Variants in TGFBRAP1 observed in about 807,000 individuals in gnomAD.
TGFBRAP1 encodes transforming growth factor beta receptor associated protein 1.
Under a neutral mutation model 83.2 loss-of-function variants are expected in TGFBRAP1, and 20 were observed. The ratio of observed to expected loss-of-function variants is 0.24; its 90% CI spans 0.17 to 0.35. TGFBRAP1 has a LOEUF of 0.35. Ranked by LOEUF, TGFBRAP1 falls within the 10% of genes least tolerant of loss-of-function variation. TGFBRAP1 has a pLI of 1.00. For missense variants in TGFBRAP1, 950 were observed against 1,099.4 expected (o/e 0.86, Z 1.92); for synonymous variants, 415 against 459.8 (o/e 0.90, Z 1.25).
chr2:105,287,093 A>T (rs1367390326), intron 4 of TGFBRAP1, among the ~76,000 whole-genome samples: 1 of 152,188 alleles, frequency 6.6e-6, no homozygotes, highest in Non-Finnish European at 1.5e-5. Flanking sequence ...GAAGTCAGCC[A>T]GTCACAAGAC....
chr2:105,280,358 T>C (rs1241341193), intron 6 of TGFBRAP1, 24 bp downstream of exon 6: 1 of 1,603,700 alleles, frequency 6.2e-7, no homozygotes, highest in Admixed American at 1.7e-5. Flanking sequence ...GAAGCCCTGA[T>C]CATATCAGGA....
chr2:105,303,440 T>C (rs1039161584), intron 2 of TGFBRAP1, among the ~76,000 whole-genome samples: 11 of 152,132 alleles, frequency 7.2e-5, no homozygotes, highest in Non-Finnish European at 1.5e-4. Flanking sequence ...CGAGGTGATC[T>C]AGGAATATCC....
In TGFBRAP1 at chr2:105,269,477, G is replaced by T. The variant is rs146403934; in HGVS notation, c.2201C>A (p.Ala734Asp). ...LHAGPTAHEL[A>D]VAAVDLLNRH... ...GTTCAGCAGGTCCACGGCAGCCACG[G>T]CCAGCTCGTGGGCAGTGGGGCCAGC... Residue 734 changes from alanine (A) to aspartate (D), a missense_variant, in exon 11 of 12, where the codon GCC (alanine) becomes GAC (aspartate). By Grantham distance (126) the Ala-to-Asp change is moderately radical. Coordinates refer to ENST00000393359, the MANE Select transcript of TGFBRAP1 (RefSeq NM_004257.6). This position sits in a 1 kb window ranked among gnomAD's most constrained non-coding sequence, Gnocchi z 4.1. 2.0e-4 allele frequency: 318 copies of T among 1,613,350 alleles called. No individual in the cohort carries two copies. The African/African-American group carries it at 3.8e-3, about 19-fold the overall frequency.
At position 105,308,167 on chromosome 2, in the gene TGFBRAP1, G is replaced by A. The variant is rs777577401; in HGVS notation, c.135C>T (p.Phe45=). The A allele has an allele frequency of 3.2e-5, 52 of 1,614,052 alleles. No homozygotes were observed. The highest frequency in any genetic ancestry group is 1.3e-4 in the South Asian group (12 of 91,088). ...RDLYVGTNDC[F]VYHFLLEERP... ...TCTCCTCCAACAGGAAGTGGTAGAC[G>A]AAGCAGTCGTTGGTGCCCACGTAGA... Residue 45 remains phenylalanine, a synonymous_variant, in exon 2 of 12, where the codon TTC becomes TTT. Coordinates refer to ENST00000393359, the MANE Select transcript of TGFBRAP1 (RefSeq NM_004257.6).
At chr2:105,263,329 G>A (rs1232770025), downstream of TGFBRAP1, among the ~76,000 whole-genome samples, 1 of 152,212 alleles carries the variant, frequency 6.6e-6, no homozygotes, top group Admixed American at 6.5e-5. Context: ...GCGATGGTTG[G>A]AATCTAAAAG....
At chr2:105,272,701 G>C (rs554268343) in intron 10 of TGFBRAP1, among the ~76,000 whole-genome samples, 154 bp downstream of exon 10, 2 of 152,146 alleles carry the variant, frequency 1.3e-5, no homozygotes, top group South Asian at 4.1e-4. Flanking sequence ...GCGACACCCT[G>C]TCTTCATTTA....
At chr2:105,311,777 C>T (rs925405358) in intron 1 of TGFBRAP1, among the ~76,000 whole-genome samples, 40 of 151,582 alleles carry the variant, frequency 2.6e-4, no homozygotes, top group African/African-American at 5.1e-4. Flanking sequence ...GGCATGGTGG[C>T]GGGCACCTGT....
intron 2 of TGFBRAP1, among the ~76,000 whole-genome samples, chr2:105,306,518 C>T (rs1678504356): frequency 6.6e-6 from 1 of 152,072 alleles, no homozygotes; most frequent in Admixed American, 6.6e-5. Flanking sequence ...TGCATGCTGG[C>T]CAGGCATGGT....
At chr2:105,252,202 G>A in the TGFBRAP1 span, among the ~76,000 whole-genome samples, 3 of 152,106 alleles carry the variant, frequency 2.0e-5, no homozygotes, top group Non-Finnish European at 4.4e-5. Flanking sequence ...TGGCATTTTT[G>A]CGGTGGTCTC....
At chr2:105,301,092 C>T (rs1218104400) in intron 2 of TGFBRAP1, among the ~76,000 whole-genome samples, 5 of 151,908 alleles carry the variant, frequency 3.3e-5, no homozygotes, top group Admixed American at 2.0e-4. Flanking sequence ...GCCTTGGTGG[C>T]GGGTACTATT....
chr2:105,303,298 C>G (rs1678368043), intron 2 of TGFBRAP1, among the ~76,000 whole-genome samples: 1 of 152,314 alleles, frequency 6.6e-6, no homozygotes, highest in Admixed American at 6.5e-5. Flanking sequence ...AGACATACTT[C>G]CCAGCACTGT....
chr2:105,278,068 ATGTGTGTGTGTGTG>A (rs56983977), intron 6 of TGFBRAP1, among the ~76,000 whole-genome samples: 18,258 of 145,464 alleles, frequency 0.13, 1,420 homozygotes, highest in Middle Eastern at 0.18. Flanking sequence ...CAAAAAATAT[ATGTGTGTGTGTGTG>A]TGTGTGTGTG....
the TGFBRAP1 span, among the ~76,000 whole-genome samples, chr2:105,250,916 A>G: frequency 3.3e-5 from 5 of 152,244 alleles, no homozygotes; most frequent in East Asian, 1.9e-4. Context: ...TCGGCCTCCC[A>G]AGGTGCCGGG....
At chr2:105,271,871 G>A (rs970063768) in intron 10 of TGFBRAP1, among the ~76,000 whole-genome samples, 4 of 152,094 alleles carry the variant, frequency 2.6e-5, no homozygotes, top group Non-Finnish European at 5.9e-5. Flanking sequence ...AAGAAGGAGC[G>A]CCCTCCTTCC....
rs144965187 is a variant in TGFBRAP1 at position 105,313,625 on chromosome 2, GA to G, written c.-17-5308del. On this transcript the variant is annotated intron_variant, in intron 1 of 11. Coordinates refer to ENST00000393359, the MANE Select transcript of TGFBRAP1 (RefSeq NM_004257.6). ...ATATTCAAGCCAGATAAGGATACAG[GA>G]AAAAAGAAAAATCACAGATCATTCT... is the stretch of plus-strand genomic sequence containing the variant. Among the ~76,000 whole-genome samples the G allele has an allele frequency of 6.4e-4, 97 of 151,998 alleles. 4 individuals carry two copies. In the East Asian group the frequency reaches 0.018, roughly 28 times the overall value.
chr2:105,257,794 C>T, the TGFBRAP1 span, among the ~76,000 whole-genome samples: 1 of 152,182 alleles, frequency 6.6e-6, no homozygotes, highest in Non-Finnish European at 1.5e-5. Context: ...CCTAATCCCT[C>T]CCATTGGGTC....
chr2:105,261,606 G>A (rs1440175294), downstream of TGFBRAP1, among the ~76,000 whole-genome samples: 1 of 152,092 alleles, frequency 6.6e-6, no homozygotes, highest in Non-Finnish European at 1.5e-5. Flanking sequence ...ACAAAAATTA[G>A]CTGGGCATGA....
chr2:105,277,724 CG>C, intron 6 of TGFBRAP1, 53 bp from the exon 7 acceptor site: 1 of 1,548,962 alleles, frequency 6.5e-7, no homozygotes, highest in Non-Finnish European at 8.9e-7. Flanking sequence ...CTCCTGGAGG[CG>C]ACCTTCACAC....
intron 4 of TGFBRAP1, among the ~76,000 whole-genome samples, chr2:105,284,782 A>C (rs1428590677): frequency 6.6e-6 from 1 of 152,166 alleles, no homozygotes; most frequent in African/African-American, 2.4e-5. Flanking sequence ...CATCCCTCAG[A>C]GCACAGGGCC....
Sources: gnomAD v4.1 joint callset for allele counts (sites outside exome capture counted in the v4.1 genomes callset) on GRCh38, gnomAD v4.1.1 for gene constraint, Gnocchi (gnomAD v3.1) non-coding constraint, MANE v1.5 for transcripts, NCBI Gene and HGNC (gene_info 2026-07-23, HGNC 2026-07-21) for gene names.